Variants in MED14 observed in about 807,000 individuals in gnomAD.
The protein encoded by MED14 is mediator of RNA polymerase II transcription subunit 14.
In MED14, 8 loss-of-function variants were observed where a neutral mutation model predicts 109.0. That is an observed-to-expected ratio of 0.07 (90% CI 0.04 to 0.13). The LOEUF (loss-of-function observed/expected upper bound fraction) is 0.13, where lower values mean the gene tolerates loss of function less well. MED14 is among the 10% of genes least tolerant of loss of function. The probability of loss-of-function intolerance (pLI) is 1.00; values close to 1 mark genes in which losing one functional copy is unlikely to be tolerated. For synonymous variants in MED14, 399 were observed against 408.7 expected (o/e 0.98, Z 0.29); for missense variants, 711 against 1,142.4 (o/e 0.62, Z 5.44).
intron 3 of MED14, among the ~76,000 whole-genome samples, chrX:40,723,063 A>G (rs761382651): frequency 9.8e-5 from 11 of 112,199 alleles, no homozygotes; most frequent in African/African-American, 3.2e-4. Context: ...AGCACACAGA[A>G]AAACACAGAA....
intron 1 of MED14, among the ~76,000 whole-genome samples, chrX:40,732,837 GGA>G (rs1286022659): frequency 1.8e-5 from 2 of 110,743 alleles, no homozygotes; most frequent in Non-Finnish European, 3.8e-5. Flanking sequence ...TAAGCAAAGA[GGA>G]GAGTTTCAGG....
At chrX:40,701,077 G>T in intron 12 of MED14, 88 bp downstream of exon 12, 4 of 627,638 alleles carry the variant, frequency 6.4e-6, no homozygotes, top group Non-Finnish European at 9.9e-6. Flanking sequence ...TAAGGACAGT[G>T]AATGACCAAG....
chrX:40,714,404 TAC>T, intron 4 of MED14, 131 bp downstream of exon 4: 3 of 615,491 alleles, frequency 4.9e-6, no homozygotes, highest in South Asian at 4.7e-5. Flanking sequence ...CAACTTTAGT[TAC>T]AGAGAAAAAA....
At chrX:40,681,708 T>C (rs1930116338) in intron 19 of MED14, 144 bp downstream of exon 19, 3 of 386,994 alleles carry the variant, frequency 7.8e-6, no homozygotes, top group Admixed American at 1.0e-4. Context: ...ACTATATTTA[T>C]AGCCACAAAG....
chrX:40,715,308 G>C (rs894297119), intron 3 of MED14, among the ~76,000 whole-genome samples: 1 of 111,591 alleles, frequency 9.0e-6, no homozygotes, highest in Non-Finnish European at 1.9e-5. Flanking sequence ...AACATACACT[G>C]GGGAAAGGAC....
At chrX:40,731,140 C>CA (rs34609114) in intron 1 of MED14, among the ~76,000 whole-genome samples, 35,844 of 92,631 alleles carry the variant, frequency 0.39, 7,786 homozygotes, top group African/African-American at 0.77. Flanking sequence ...GACCCTGTCT[C>CA]AAAAAAAAAA....
chrX:40,682,518 CTG>C lies in MED14; in HGVS notation c.2365+83_2365+84del, dbSNP rs1460961528. The C allele has an allele frequency of 8.9e-6, 7 of 790,131 alleles. No individual in the cohort carries two copies. In the East Asian group the frequency reaches 2.1e-4, roughly 24 times the overall value. The allele number at this position is 790,131 out of a possible 1,213,427, so 65.1% of individuals were successfully genotyped here. ...TACTTTGATTTTTTTGCTTGGAACA[CTG>C]TGCATGTTTCACTTCAGTTAAAAAA... On this transcript the variant is annotated intron_variant, in intron 18 of 30. Transcript: ENST00000324817.
chrX:40,651,766 G>C lies in MED14; in HGVS notation c.*40C>G. The C allele has an allele frequency of 8.9e-7, 1 of 1,128,251 alleles. No individual in the cohort carries two copies. Among genetic ancestry groups the C allele is most frequent in the Non-Finnish European group, 1.2e-6 (1 of 859,054 alleles). The allele number at this position is 1,128,251 out of a possible 1,213,427, so 93.0% of individuals were successfully genotyped here. A position where few individuals can be genotyped will look rare whatever the true frequency, so the allele number is the denominator to read the frequency against. ...AGGCTGAATTCAGATTTTTTTTGTT[G>C]TCTCATCTGTCAGCCTTCCTGGTTT... On this transcript the variant is annotated 3_prime_UTR_variant, in exon 31 of 31. Transcript: ENST00000324817.
intron 22 of MED14, among the ~76,000 whole-genome samples, chrX:40,674,293 T>C (rs762737058): frequency 4.5e-5 from 5 of 111,438 alleles, no homozygotes; most frequent in Non-Finnish European, 9.4e-5. Flanking sequence ...TAACCCTAAA[T>C]AGCTGCCAGG....
intron 3 of MED14, among the ~76,000 whole-genome samples, chrX:40,725,673 A>C (rs1037834307): frequency 3.6e-5 from 4 of 111,957 alleles, no homozygotes; most frequent in Non-Finnish European, 7.5e-5. Flanking sequence ...TATAGAAGGA[A>C]CATGCCTCAA....
chrX:40,716,171 T>C (rs72624280), intron 3 of MED14, among the ~76,000 whole-genome samples: 27,824 of 110,662 alleles, frequency 0.25, 2,789 homozygotes, highest in African/African-American at 0.38. Context: ...TTAAAATGAC[T>C]ATTATCAAAA....
At chrX:40,658,681 T>G (rs1929154687) in intron 28 of MED14, among the ~76,000 whole-genome samples, 1 of 58,981 alleles carries the variant, frequency 1.7e-5, no homozygotes, top group African/African-American at 7.1e-5. Context: ...TGAAACTCCG[T>G]CTCTACCAAA....
At chrX:40,663,277 C>T (rs1267063267) in intron 25 of MED14, 117 bp from the exon 26 acceptor site, 1 of 578,124 alleles carries the variant, frequency 1.7e-6, no homozygotes, top group Non-Finnish European at 2.7e-6. Flanking sequence ...GTTTTAGTTA[C>T]TCCTTGTGGT....
intron 14 of MED14, 149 bp downstream of exon 14, chrX:40,692,559 A>G (rs897012051): frequency 5.2e-6 from 3 of 580,224 alleles, no homozygotes; most frequent in Admixed American, 8.9e-5. Flanking sequence ...AGCATTTTCA[A>G]GAAAATGTAG....
At chrX:40,706,127 T>C (rs1329330441) in intron 10 of MED14, among the ~76,000 whole-genome samples, 1 of 111,671 alleles carries the variant, frequency 9.0e-6, no homozygotes, top group East Asian at 2.8e-4. Flanking sequence ...TAAGGGTGAC[T>C]GCGCTAAGGG....
intron 12 of MED14, among the ~76,000 whole-genome samples, chrX:40,699,216 T>C (rs1019217746): frequency 5.3e-5 from 6 of 112,161 alleles, no homozygotes; most frequent in African/African-American, 1.3e-4. Context: ...AAAAGGCAAA[T>C]AGAAAGTGGA....
At chrX:40,691,607 CTTTTTTTT>C (rs36144185) in intron 15 of MED14, among the ~76,000 whole-genome samples, 2 of 59,463 alleles carry the variant, frequency 3.4e-5, no homozygotes, top group South Asian at 1.3e-3. Context: ...TTCTTTTAAT[CTTTTTTTT>C]TTTTTTTTTT....
At chrX:40,713,952 A>AT (rs757704733) in intron 4 of MED14, 45 bp from the exon 5 acceptor site, 2,432 of 1,077,298 alleles carry the variant, frequency 2.3e-3, no homozygotes, top group African/African-American at 2.7e-3. Flanking sequence ...ACAAACGGGG[A>AT]TTTTTTTTTT....
intron 15 of MED14, among the ~76,000 whole-genome samples, chrX:40,691,840 G>A (rs1165289000): frequency 1.9e-5 from 2 of 106,156 alleles, no homozygotes; most frequent in Non-Finnish European, 3.9e-5. Context: ...TCAAACTCCT[G>A]ACCTCAAGTG....
Sources: allele counts gnomAD v4.1 joint callset (sites outside exome capture counted in the v4.1 genomes callset), GRCh38; gene constraint gnomAD v4.1.1; transcripts MANE v1.5; gene names NCBI Gene and HGNC (gene_info 2026-07-23, HGNC 2026-07-21).